GMDS: variants seen among roughly 807,000 people sequenced by gnomAD.
GMDS encodes GDP-mannose 4,6 dehydratase.
A neutral mutation model predicts 49.9 loss-of-function variants in GMDS; 20 were observed. That is an observed-to-expected ratio of 0.40 (90% confidence interval 0.28 to 0.58). The LOEUF (loss-of-function observed/expected upper bound fraction) is 0.58. Among genes scored for constraint, GMDS ranks in the 20% least tolerant of loss-of-function variants. The pLI, the probability that GMDS is intolerant of heterozygous loss-of-function variation, is 0.42. For synonymous variants in GMDS, 177 were observed against 178.6 expected (o/e 0.99, Z 0.07); for missense variants, 362 against 481.4 (o/e 0.75, Z 2.32).
At chr6:1,628,826 T>TA (rs1561684478) in intron 9 of GMDS, among the ~76,000 whole-genome samples, 1 of 152,234 alleles carries the variant, frequency 6.6e-6, no homozygotes, top group African/African-American at 2.4e-5. Flanking sequence ...GAATTTAAGA[T>TA]ACAGAGCTGT....
intron 1 of GMDS, among the ~76,000 whole-genome samples, chr6:2,186,136 T>C (rs192712491): frequency 1.4e-4 from 21 of 152,192 alleles, no homozygotes; most frequent in Non-Finnish European, 2.1e-4. Context: ...TAGGAACCAA[T>C]GAAATTTGCC....
chr6:2,172,415 G>A (rs537937454), intron 1 of GMDS, among the ~76,000 whole-genome samples: 4 of 152,210 alleles, frequency 2.6e-5, no homozygotes, highest in East Asian at 1.9e-4. Context: ...TGATATGGCC[G>A]GGCGCAGTGG....
chr6:1,862,320 C>A (rs894816330), intron 7 of GMDS, among the ~76,000 whole-genome samples: 4 of 152,226 alleles, frequency 2.6e-5, no homozygotes, highest in Middle Eastern at 3.4e-3. Context: ...AATAATGGTT[C>A]TCCCTTTACA....
intron 4 of GMDS, among the ~76,000 whole-genome samples, chr6:2,020,840 C>T (rs895776569): frequency 2.6e-5 from 4 of 152,236 alleles, no homozygotes; most frequent in African/African-American, 9.6e-5. Context: ...TTAAACCATA[C>T]ATCATTAGAT....
chr6:2,035,154 G>A (rs1454181973), intron 4 of GMDS, among the ~76,000 whole-genome samples: 1 of 152,102 alleles, frequency 6.6e-6, no homozygotes, highest in Non-Finnish European at 1.5e-5. Context: ...CCCTCCCCCT[G>A]AACACTGTCT....
chr6:1,794,271 A>G (rs1225383027), intron 7 of GMDS, among the ~76,000 whole-genome samples: 1 of 152,178 alleles, frequency 6.6e-6, no homozygotes, highest in Admixed American at 6.5e-5. Flanking sequence ...CTCTAATCCA[A>G]AGATTTATTA....
chr6:1,713,075 C>T (rs919498876), intron 9 of GMDS, among the ~76,000 whole-genome samples: 12 of 152,178 alleles, frequency 7.9e-5, no homozygotes, highest in Admixed American at 2.6e-4. Flanking sequence ...AATCCAGCCA[C>T]GGATGTCAGA....
chr6:2,165,387 G>C (rs553130926), intron 1 of GMDS, among the ~76,000 whole-genome samples: 1 of 152,332 alleles, frequency 6.6e-6, no homozygotes, highest in East Asian at 1.9e-4. Flanking sequence ...TGAGTCCAAA[G>C]GGAGGAGAAG....
At chr6:1,967,473 T>C (rs973352117) in intron 4 of GMDS, among the ~76,000 whole-genome samples, 16 of 152,208 alleles carry the variant, frequency 1.1e-4, no homozygotes, top group Admixed American at 7.9e-4. Context: ...TTTGATAATT[T>C]AATATTACTG....
chr6:2,160,211 T>C (rs770751467), intron 1 of GMDS, among the ~76,000 whole-genome samples: 2 of 152,236 alleles, frequency 1.3e-5, no homozygotes, highest in Non-Finnish European at 2.9e-5. Context: ...AAATTGCAAG[T>C]TCAGCCAAAA....
chr6:1,989,526 G>A (rs550991650), intron 4 of GMDS, among the ~76,000 whole-genome samples: 2 of 152,122 alleles, frequency 1.3e-5, no homozygotes, highest in Non-Finnish European at 2.9e-5. Context: ...AAATTCAAGA[G>A]GCAGAAAATT....
At chr6:1,756,909 G>A (rs1345164332) in intron 7 of GMDS, among the ~76,000 whole-genome samples, 2 of 152,190 alleles carry the variant, frequency 1.3e-5, no homozygotes, top group Non-Finnish European at 2.9e-5. Flanking sequence ...ACGCATTGGC[G>A]ACAGGATCAG....
intron 1 of GMDS, among the ~76,000 whole-genome samples, chr6:2,131,578 G>A (rs1045786827): frequency 4.6e-5 from 7 of 152,134 alleles, no homozygotes; most frequent in African/African-American, 1.4e-4. Flanking sequence ...TGAAGATACT[G>A]TAAATCAAAA....
intron 7 of GMDS, among the ~76,000 whole-genome samples, chr6:1,853,472 C>G (rs975738089): frequency 7.1e-6 from 1 of 141,554 alleles, no homozygotes; most frequent in East Asian, 2.0e-4. Context: ...GAGCTGAGAT[C>G]GCGCCACTGC....
intron 1 of GMDS, among the ~76,000 whole-genome samples, chr6:2,211,524 T>C (rs573262204): frequency 9.4e-4 from 143 of 152,304 alleles, no homozygotes; most frequent in African/African-American, 2.6e-3. Flanking sequence ...CCTATATGTT[T>C]TTTTAAAAAA....
chr6:2,164,024 T>C (rs1777539803), intron 1 of GMDS, among the ~76,000 whole-genome samples: 1 of 152,210 alleles, frequency 6.6e-6, no homozygotes, highest in Non-Finnish European at 1.5e-5. Flanking sequence ...AGCCTTTGAA[T>C]CCTTTTCTCT....
At chr6:1,713,992 T>G (rs895278410) in intron 9 of GMDS, among the ~76,000 whole-genome samples, 7 of 152,214 alleles carry the variant, frequency 4.6e-5, no homozygotes, top group Non-Finnish European at 1.0e-4. Flanking sequence ...GTACACCTTA[T>G]TAGGAAAATC....
intron 7 of GMDS, among the ~76,000 whole-genome samples, chr6:1,927,835 C>T (rs139279940): frequency 6.6e-4 from 100 of 152,248 alleles, no homozygotes; most frequent in South Asian, 2.1e-3. Context: ...CCTCCTACCC[C>T]GGCCAATTAC....
Position 1,742,418 on chromosome 6 carries a change from G to A in GMDS, c.890+50C>T, listed in dbSNP as rs769904864. Reference sequence around the variant, plus strand: ...AGAACCGAGGCTTCAGCAAGCTCAGGTGCATACCTGCCAGAGAGCTACAAG... The same window carrying A: ...AGAACCGAGGCTTCAGCAAGCTCAGATGCATACCTGCCAGAGAGCTACAAG... On this transcript the variant is annotated intron_variant, in intron 8 of 10. Transcript: ENST00000380815. The A allele has an allele frequency of 3.0e-6, 3 of 1,016,810 alleles. No individual in the cohort carries two copies. The South Asian group carries it at 4.0e-5, about 14-fold the overall frequency. The allele number at this position is 1,016,810 out of a possible 1,614,324, so 63.0% of individuals were successfully genotyped here.
Sources: gnomAD v4.1 joint callset for allele counts (sites outside exome capture counted in the v4.1 genomes callset) on GRCh38, gnomAD v4.1.1 for gene constraint, MANE v1.5 for transcripts, NCBI Gene and HGNC (gene_info 2026-07-23, HGNC 2026-07-21) for gene names.